GPR89A: variants seen among roughly 807,000 people sequenced by gnomAD.
GPR89A encodes golgi pH regulator A, also known as G protein-coupled receptor 89A.
Under a neutral mutation model 52.0 loss-of-function variants are expected in GPR89A, and 16 were observed. The observed-to-expected ratio is 0.31, with a 90% CI of 0.21 to 0.47. GPR89A has a LOEUF of 0.47. Among genes scored for constraint, GPR89A ranks in the 20% least tolerant of loss-of-function variants. The pLI is 1.00. For missense variants in GPR89A, 135 were observed against 449.4 expected, an observed-to-expected ratio of 0.30 and a Z score of 6.33; for synonymous variants, 55 against 150.9, an observed-to-expected ratio of 0.36 and a Z score of 4.66.
At chr1:145,611,755 T>C (rs1553686190) in intron 1 of GPR89A, among the ~76,000 whole-genome samples, 1 of 151,988 alleles carries the variant, frequency 6.6e-6, no homozygotes, top group Non-Finnish European at 1.5e-5. Context: ...CTTCTCTGTC[T>C]TCAGTCGTGG....
chr1:145,669,831 C>T lies in GPR89A; in HGVS notation c.1162-3C>T. ...CTTCTGGATTAATTCATTTGACTTA[C>T]AGGGCATGTACTTTGTCTCCTCTGT... is the stretch of plus-strand genomic sequence containing the variant. On this transcript the variant is annotated splice_region_variant and splice_polypyrimidine_tract_variant and intron_variant, in intron 13 of 13. Coordinates refer to ENST00000313835, the MANE Select transcript of GPR89A (RefSeq NM_001097612.2). 4 of 1,408,254 alleles carry T rather than the reference C, an allele frequency of 2.8e-6. No homozygotes were observed. The highest frequency in any genetic ancestry group is 4.0e-6 in the Non-Finnish European group (4 of 1,001,146). 87.2% of individuals were successfully genotyped at this position (1,408,254 alleles called of 1,614,324 possible). A position where few individuals can be genotyped will look rare whatever the true frequency, so the allele number is the denominator to read the frequency against.
At chr1:145,666,783 T>A (rs1405101059) in intron 12 of GPR89A, among the ~76,000 whole-genome samples, 5 of 146,580 alleles carry the variant, frequency 3.4e-5, no homozygotes, top group African/African-American at 1.3e-4. Flanking sequence ...AGTTCCCACC[T>A]ATGAGTGAGA....
chr1:145,656,042 C>A (rs1392361241), intron 10 of GPR89A, among the ~76,000 whole-genome samples: 9 of 152,016 alleles, frequency 5.9e-5, no homozygotes, highest in Non-Finnish European at 8.8e-5. Flanking sequence ...CCGAGTCCCA[C>A]CTAAAGAAGC....
At chr1:145,659,416 A>G (rs1281201917) in intron 10 of GPR89A, among the ~76,000 whole-genome samples, 4 of 151,384 alleles carry the variant, frequency 2.6e-5, no homozygotes, top group Admixed American at 6.6e-5. Context: ...CTAACTCCTA[A>G]CCTTGTGATC....
intron 7 of GPR89A, among the ~76,000 whole-genome samples, chr1:145,635,265 G>C (rs1264680784): frequency 1.3e-5 from 2 of 152,166 alleles, no homozygotes; most frequent in African/African-American, 4.8e-5. Flanking sequence ...AAGTAGCCGG[G>C]CGTGGTGGTG....
At chr1:145,656,931 A>C (rs4442414) in intron 10 of GPR89A, among the ~76,000 whole-genome samples, 3 of 152,160 alleles carry the variant, frequency 2.0e-5, no homozygotes, top group East Asian at 3.9e-4. Flanking sequence ...CTTTTACTGC[A>C]TCTATTGAGA....
chr1:145,639,926 A>C (rs1305515015), intron 7 of GPR89A, among the ~76,000 whole-genome samples: 8 of 152,068 alleles, frequency 5.3e-5, no homozygotes, highest in Non-Finnish European at 1.0e-4. Flanking sequence ...CCTTATATAA[A>C]ATTAAAACAC....
At position 145,670,207 on chromosome 1, in the gene GPR89A, T is replaced by C. The variant is rs144407605; in HGVS notation, c.*167T>C. The C allele has an allele frequency of 2.1e-4, 328 of 1,543,504 alleles. No individual in the cohort carries two copies. In the African/African-American group the frequency reaches 4.0e-3, roughly 19 times the overall value. ...TCCCCGTCAGGTGATACTATGACCA[T>C]GAGTAGCATCAGCCAGAACATGAGA... On this transcript the variant is annotated 3_prime_UTR_variant, in exon 14 of 14. Coordinates refer to ENST00000313835, the MANE Select transcript of GPR89A (RefSeq NM_001097612.2).
intron 5 of GPR89A, among the ~76,000 whole-genome samples, chr1:145,626,268 C>G (rs1427009351): frequency 4.0e-5 from 6 of 151,854 alleles, no homozygotes; most frequent in Non-Finnish European, 8.8e-5. Context: ...AGACCCGACT[C>G]TGACACCTTT....
chr1:145,669,511 C>T (rs1388631470), intron 12 of GPR89A, 114 bp from the exon 13 acceptor site: 1 of 755,250 alleles, frequency 1.3e-6, no homozygotes, highest in Non-Finnish European at 2.4e-6. Context: ...TTGTTCTATA[C>T]AGGATTGTGG....
chr1:145,635,505 GTA>G (rs2101781788), intron 7 of GPR89A, among the ~76,000 whole-genome samples: 1 of 152,250 alleles, frequency 6.6e-6, no homozygotes, highest in Non-Finnish European at 1.5e-5. Flanking sequence ...GTAGACACGT[GTA>G]TAATTTATTT....
chr1:145,637,124 T>C lies in GPR89A; in HGVS notation c.617+5380T>C, dbSNP rs587633525. The stretch of plus-strand genomic sequence containing the variant: ...TATACTGAACTGCTTCTTGGTGCGA[T>C]TTGCAAGGTTGCTGTGCCTTTGATT... On this transcript the variant is annotated intron_variant, in intron 7 of 13. Transcript: ENST00000313835. Among the ~76,000 whole-genome samples the C allele has an allele frequency of 2.0e-5, 3 of 152,162 alleles. No homozygotes were observed. The South Asian group carries it at 6.2e-4, about 32-fold the overall frequency.
chr1:145,634,141 G>A (rs1284732259), intron 7 of GPR89A, among the ~76,000 whole-genome samples: 10 of 149,338 alleles, frequency 6.7e-5, no homozygotes, highest in African/African-American at 2.0e-4. Flanking sequence ...GTGCAGTGAC[G>A]TGATTTCAGC....
At chr1:145,614,025 G>A (rs1370998885) in intron 1 of GPR89A, among the ~76,000 whole-genome samples, 4 of 152,082 alleles carry the variant, frequency 2.6e-5, no homozygotes, top group Non-Finnish European at 4.4e-5. Flanking sequence ...GGGCTCAAGC[G>A]ATCTACCCAA....
chr1:145,634,033 G>T (rs1650049150), intron 7 of GPR89A, among the ~76,000 whole-genome samples: 1 of 151,696 alleles, frequency 6.6e-6, no homozygotes, highest in South Asian at 2.1e-4. Context: ...CATGCTCATG[G>T]ACTGGTGTAT....
At chr1:145,613,329 C>T (rs1329986395) in intron 1 of GPR89A, among the ~76,000 whole-genome samples, 1 of 151,416 alleles carries the variant, frequency 6.6e-6, no homozygotes, top group Non-Finnish European at 1.5e-5. Flanking sequence ...GTTCTCAAAT[C>T]TGTTTTCTCC....
intron 3 of GPR89A, among the ~76,000 whole-genome samples, chr1:145,621,847 A>G (rs1176108893): frequency 7.3e-5 from 11 of 151,554 alleles, no homozygotes; most frequent in East Asian, 1.9e-4. Flanking sequence ...TTAGCCATCA[A>G]GGAAATGCAA....
chr1:145,647,732 G>C (rs1651102206), intron 10 of GPR89A, among the ~76,000 whole-genome samples: 1 of 145,304 alleles, frequency 6.9e-6, no homozygotes, highest in Admixed American at 6.9e-5. Flanking sequence ...TTGAACCCGA[G>C]AGGCGGACGT....
rs1648270249 is a variant in GPR89A, at chr1:145,611,427, AG to A, written c.42+3253del. 3 of 151,818 alleles carry A rather than the reference AG, an allele frequency of 2.0e-5. No individual in the cohort carries two copies. The South Asian group carries it at 6.2e-4, about 32-fold the overall frequency. 9.4% of individuals were successfully genotyped at this position (151,818 alleles called of 1,614,324 possible). A position where few individuals can be genotyped will look rare whatever the true frequency, so the allele number is the denominator to read the frequency against. On this transcript the variant is annotated intron_variant, in intron 1 of 13. Transcript: ENST00000313835. ...ACCCAATATTTAGCTCCCACTTAGA[AG>A]TGAGAACATGTGGTATTTGGTTTTC...
Sources: allele counts gnomAD v4.1 joint callset (sites outside exome capture counted in the v4.1 genomes callset), GRCh38; gene constraint gnomAD v4.1.1; transcripts MANE v1.5; gene names NCBI Gene and HGNC (gene_info 2026-07-23, HGNC 2026-07-21).